The following PPP6C variants were observed in gnomAD, a reference collection of about 807,000 sequenced individuals.
The protein encoded by PPP6C is serine/threonine-protein phosphatase 6 catalytic subunit.
A neutral mutation model predicts 39.8 loss-of-function variants in PPP6C; 11 were observed. The ratio of observed to expected loss-of-function variants is 0.28; its 90% confidence interval spans 0.17 to 0.46. PPP6C has a LOEUF of 0.46. Ranked by LOEUF, PPP6C falls within the 20% of genes least tolerant of loss-of-function variation. The pLI is 1.00. For synonymous variants in PPP6C, 129 were observed against 130.3 expected (o/e 0.99, Z 0.07); for missense variants, 211 against 373.9 (o/e 0.56, Z 3.59).
chr9:125,151,286 C>CT, intron 6 of PPP6C: 1 of 1,494,132 alleles, frequency 6.7e-7, no homozygotes, highest in Non-Finnish European at 9.3e-7. Context: ...GGTGGCCATC[C>CT]TTGCGGATGA....
rs200006539 is a variant in PPP6C, at chr9:125,167,253, T to A, written c.171+3832A>T. Among the ~76,000 whole-genome samples, 4 of 151,128 alleles carry A rather than the reference T, an allele frequency of 2.6e-5. No homozygotes were observed. In the East Asian group the frequency reaches 7.8e-4, roughly 30 times the overall value. ...AAAATCAGCCAGGCGTGGTGGTGCG[T>A]GCCTGTAGTCCCAGCTACTCGGGAT... On this transcript the variant is annotated intron_variant, in intron 2 of 6. Coordinates refer to ENST00000373547, the MANE Select transcript of PPP6C (RefSeq NM_002721.5).
At chr9:125,180,071 A>T (rs998187880) in intron 1 of PPP6C, among the ~76,000 whole-genome samples, 1 of 152,220 alleles carries the variant, frequency 6.6e-6, no homozygotes, top group Non-Finnish European at 1.5e-5. Flanking sequence ...AACCATCACC[A>T]TAATCAATTT....
chr9:125,180,860 A>C (rs1829407011), intron 1 of PPP6C, among the ~76,000 whole-genome samples: 1 of 152,182 alleles, frequency 6.6e-6, no homozygotes, highest in Non-Finnish European at 1.5e-5. Flanking sequence ...AGTGGACTAT[A>C]AACTGAAGAA....
chr9:125,153,851 T>C (rs1836007462), intron 5 of PPP6C, 55 bp downstream of exon 5: 1 of 1,532,844 alleles, frequency 6.5e-7, no homozygotes, highest in Non-Finnish European at 9.0e-7. Context: ...TAGATAAAAA[T>C]ATGCAATGTG....
intron 4 of PPP6C, among the ~76,000 whole-genome samples, chr9:125,154,748 T>C (rs58110097): frequency 0.014 from 2,152 of 152,356 alleles, 59 homozygotes; most frequent in African/African-American, 0.049. Flanking sequence ...GAGCAATTCC[T>C]AACTCTTCTC....
rs140865318 is a variant in PPP6C, at chr9:125,159,609, G to A, written c.238-1227C>T. Among the ~76,000 whole-genome samples the A allele has an allele frequency of 1.6e-3, 237 of 152,136 alleles. 3 individuals carry two copies. The highest frequency in any genetic ancestry group is 5.5e-3 in the African/African-American group (228 of 41,506). On this transcript the variant is annotated intron_variant, in intron 3 of 6. Coordinates refer to ENST00000373547, the MANE Select transcript of PPP6C (RefSeq NM_002721.5). ...AAGCAAATACCATAATTATAACAGC[G>A]TTCTAGGCTCAGTTTTGCATTTAAC...
intron 2 of PPP6C, among the ~76,000 whole-genome samples, chr9:125,163,140 C>T (rs973002960): frequency 5.9e-5 from 9 of 151,470 alleles, no homozygotes; most frequent in Non-Finnish European, 8.8e-5. Context: ...TCATGACTAA[C>T]ATAAGTGAAT....
intron 6 of PPP6C, among the ~76,000 whole-genome samples, chr9:125,151,783 G>C (rs528402478): frequency 6.6e-6 from 1 of 152,302 alleles, no homozygotes; most frequent in East Asian, 1.9e-4. Context: ...CTTCCTATCT[G>C]CATTGTCTCA....
chr9:125,180,784 G>C (rs1564158251), intron 1 of PPP6C, among the ~76,000 whole-genome samples: 1 of 152,096 alleles, frequency 6.6e-6, no homozygotes, highest in African/African-American at 2.4e-5. Flanking sequence ...TAGTCCATAA[G>C]GCCTCCTAAA....
intron 1 of PPP6C, among the ~76,000 whole-genome samples, chr9:125,176,270 T>C (rs985053411): frequency 1.3e-5 from 2 of 151,928 alleles, no homozygotes; most frequent in African/African-American, 2.4e-5. Context: ...TCACTGGTGG[T>C]GAAAATAAGG....
chr9:125,183,875 T>C (rs532087958), intron 1 of PPP6C, among the ~76,000 whole-genome samples: 1 of 152,240 alleles, frequency 6.6e-6, no homozygotes, highest in African/African-American at 2.4e-5. Context: ...TCCCTTACTA[T>C]ATTGAAAGCC....
chr9:125,181,091 C>A (rs2131341062), intron 1 of PPP6C, among the ~76,000 whole-genome samples: 1 of 152,240 alleles, frequency 6.6e-6, no homozygotes, highest in South Asian at 2.1e-4. Flanking sequence ...CAGTAGCTTA[C>A]AAATCGCTAT....
chr9:125,181,481 C>T (rs939545547), intron 1 of PPP6C, among the ~76,000 whole-genome samples: 1 of 152,260 alleles, frequency 6.6e-6, no homozygotes, highest in East Asian at 1.9e-4. Context: ...ATATCCCTCC[C>T]TTTACCCCGG....
chr9:125,150,944 T>TA, intron 6 of PPP6C: 1 of 1,166,920 alleles, frequency 8.6e-7, no homozygotes. Flanking sequence ...AGCAGGATAA[T>TA]AAAGAGTCAG....
At chr9:125,167,137 C>CT (rs1829033932) in intron 2 of PPP6C, among the ~76,000 whole-genome samples, 1 of 151,716 alleles carries the variant, frequency 6.6e-6, no homozygotes. Context: ...TCCCAGCACT[C>CT]TGGGAGGCTG....
rs1202442635 is a variant in PPP6C, at chr9:125,160,893, C to A, written c.185G>T (p.Cys62Phe). ...CTGACCTCCAGTTCTGAACAGTTCA[C>A]AAAGGTCATAAAACTATAAAAGAAA... ...GDIHGQFYDL[C>F]ELFRTGGQVP... The change falls in exon 3 of 7, where the codon TGT (cysteine) becomes TTT (phenylalanine). Residue 62 changes from cysteine to phenylalanine, a missense_variant. Cys to Phe is a radical substitution (Grantham distance 205, BLOSUM62 -2). Around this residue, in one of 2 missense-constraint regions of PPP6C, gnomAD observed 168 missense variants for 342.6 expected, o/e 0.49. Coordinates refer to ENST00000373547, the MANE Select transcript of PPP6C (RefSeq NM_002721.5). The A allele has an allele frequency of 6.3e-7, 1 of 1,581,894 alleles. No individual in the cohort carries two copies.
chr9:125,152,305 C>A (rs1343188927), intron 6 of PPP6C, among the ~76,000 whole-genome samples: 2 of 152,190 alleles, frequency 1.3e-5, no homozygotes, highest in Non-Finnish European at 2.9e-5. Flanking sequence ...CAAATGAACA[C>A]TGTACCGTAG....
At position 125,149,611 on chromosome 9, in the gene PPP6C, A is replaced by C; in HGVS notation, c.*62T>G. 4 of 1,561,226 alleles carry C rather than the reference A, an allele frequency of 2.6e-6. No homozygotes were observed. In the South Asian group the frequency reaches 4.7e-5, roughly 18 times the overall value. On this transcript the variant is annotated 3_prime_UTR_variant, in exon 7 of 7. Coordinates refer to ENST00000373547, the MANE Select transcript of PPP6C (RefSeq NM_002721.5). ...CAATAAAAAGTATATTGTAGAGGGT[A>C]ATACAAGAAAATTGGGGTAAGAAGA...
chr9:125,182,163 C>T (rs1253265945), intron 1 of PPP6C, among the ~76,000 whole-genome samples: 1 of 152,198 alleles, frequency 6.6e-6, no homozygotes, highest in Non-Finnish European at 1.5e-5. Flanking sequence ...ACCTTTTCCT[C>T]AAGACATTTG....
Sources: gnomAD v4.1 joint callset for allele counts (sites outside exome capture counted in the v4.1 genomes callset) on GRCh38, gnomAD v4.1.1 for gene constraint, gnomAD v4.1.1 regional missense constraint, MANE v1.5 for transcripts, NCBI Gene and HGNC (gene_info 2026-07-23, HGNC 2026-07-21) for gene names.